The following GAPVD1 variants were observed in gnomAD, a reference collection of about 807,000 sequenced individuals.
The protein encoded by GAPVD1 is GTPase activating protein and VPS9 domains 1.
In GAPVD1, 35 loss-of-function variants were observed where a neutral mutation model predicts 155.5. That is an observed-to-expected ratio of 0.23 (90% confidence interval 0.17 to 0.30). The LOEUF is 0.30. Ranked by LOEUF, GAPVD1 falls within the 10% of genes least tolerant of loss-of-function variation. GAPVD1 has a pLI of 1.00. For synonymous variants in GAPVD1, 636 were observed against 619.7 expected, an observed-to-expected ratio of 1.03 and a Z score of -0.39; for missense variants, 1,429 against 1,775.7, an observed-to-expected ratio of 0.80 and a Z score of 3.51.
Position 125,360,660 on chromosome 9 carries a change from G to A in GAPVD1, c.4177G>A (p.Ala1393Thr). The A allele has an allele frequency of 6.2e-7, 1 of 1,614,088 alleles. No homozygotes were observed. Among genetic ancestry groups the A allele is most frequent in the Non-Finnish European group, 8.5e-7 (1 of 1,179,982 alleles). ...CSTIMNLLSL[A>T]NEDSVPGADD... The stretch of plus-strand genomic sequence containing the variant: ...TACGATTATGAACCTCCTGAGCCTG[G>A]CCAATGAGGACTCTGTCCCTGGAGC... The change falls in exon 27 of 28, where the codon GCC becomes ACC. Residue 1393 changes from alanine to threonine, a missense_variant. By Grantham distance (58) the Ala-to-Thr change is moderately conservative. Around this residue, in one of 4 missense-constraint regions of GAPVD1, gnomAD observed 102 missense variants for 196.5 expected, o/e 0.52. Transcript: ENST00000297933.
intron 18 of GAPVD1, 41 bp from the exon 19 acceptor site, chr9:125,342,178 G>A (rs1847922926): frequency 2.1e-6 from 2 of 969,786 alleles, no homozygotes. Context: ...GAGTAGTGCA[G>A]TATGTTATAT....
intron 12 of GAPVD1, among the ~76,000 whole-genome samples, chr9:125,326,895 G>GCATAGTA (rs1160804894): frequency 6.6e-6 from 1 of 151,772 alleles, no homozygotes; most frequent in Non-Finnish European, 1.5e-5. Flanking sequence ...TGTTTGCAGG[G>GCATAGTA]CATAGTATAA....
Position 125,365,805 on chromosome 9 carries a change from A to T in GAPVD1, c.*3059A>T, listed in dbSNP as rs2132826935. 1 of 152,142 alleles carries T rather than the reference A, an allele frequency of 6.6e-6. No homozygotes were observed. Among genetic ancestry groups the T allele is most frequent in the East Asian group, 1.9e-4 (1 of 5,168 alleles). 9.4% of individuals were successfully genotyped at this position (152,142 alleles called of 1,614,324 possible). A position where few individuals can be genotyped will look rare whatever the true frequency, so the allele number is the denominator to read the frequency against. On this transcript the variant is annotated 3_prime_UTR_variant, in exon 28 of 28. Transcript: ENST00000297933. ...AAGTGTATGCCACCACACCCAGCTA[A>T]TTTTTGTATTTTTTGTAGAGACAGG...
chr9:125,273,793 C>T (rs144339810), intron 2 of GAPVD1, among the ~76,000 whole-genome samples: 187 of 152,186 alleles, frequency 1.2e-3, no homozygotes, highest in African/African-American at 4.1e-3. Context: ...GTGGCCTCCA[C>T]GGTGCAACAA....
At chr9:125,346,592 G>C (rs1848549272) in intron 19 of GAPVD1, 2 of 567,866 alleles carry the variant, frequency 3.5e-6, no homozygotes, top group African/African-American at 3.7e-5. Context: ...TTCTGGTGAT[G>C]ATGAGAAGGT....
At chr9:125,320,548 A>G (rs1173199780) in intron 9 of GAPVD1, among the ~76,000 whole-genome samples, 1 of 152,162 alleles carries the variant, frequency 6.6e-6, no homozygotes, top group Admixed American at 6.6e-5. Context: ...TTCTAGTTGA[A>G]TTTATTTACT....
intron 9 of GAPVD1, among the ~76,000 whole-genome samples, chr9:125,313,533 G>C (rs1842961392): frequency 6.6e-6 from 1 of 151,960 alleles, no homozygotes; most frequent in Non-Finnish European, 1.5e-5. Context: ...TCGATCTCCT[G>C]ACCTCGTGAT....
At position 125,321,445 on chromosome 9, in the gene GAPVD1, C is replaced by T; in HGVS notation, c.1615C>T (p.Gln539Ter). The change falls in exon 10 of 28, where the codon CAG becomes TAG. Residue 539 changes from glutamine to a stop codon, truncating the protein, a stop_gained. Transcript: ENST00000297933. LOFTEE classifies it high-confidence loss of function. ...MMSENEVLNM[Q>*]LSDGGQGDVP... ...TTTTATTTTTTAGGTCCTAAACATG[C>T]AGCTTTCGGATGGAGGACAAGGAGA... The T allele has an allele frequency of 6.2e-7, 1 of 1,611,656 alleles. No individual in the cohort carries two copies. The highest frequency in any genetic ancestry group is 2.2e-5 in the East Asian group (1 of 44,830).
intron 2 of GAPVD1, among the ~76,000 whole-genome samples, chr9:125,273,459 G>A (rs1835226273): frequency 6.6e-6 from 1 of 151,260 alleles, no homozygotes; most frequent in Non-Finnish European, 1.5e-5. Context: ...CTTCAGCAGG[G>A]AAGAGCTTGG....
At chr9:125,284,470 G>A (rs1481484974) in intron 2 of GAPVD1, among the ~76,000 whole-genome samples, 4 of 151,280 alleles carry the variant, frequency 2.6e-5, no homozygotes, top group Admixed American at 2.0e-4. Context: ...GAGCCACCGC[G>A]CCTGGCAACT....
chr9:125,340,303 G>A (rs1476398669), intron 17 of GAPVD1, among the ~76,000 whole-genome samples: 4 of 152,222 alleles, frequency 2.6e-5, no homozygotes, highest in Non-Finnish European at 5.9e-5. Flanking sequence ...TTACAGGCGT[G>A]AGCCACTGCA....
chr9:125,337,202 T>C lies in GAPVD1; in HGVS notation c.2507-19T>C, dbSNP rs746220698. ...ATATGTTGTGTCTCAGTTACAAAAC[T>C]TTTTTTCCTGTGTTGCAGGGGCTTC... On this transcript the variant is annotated intron_variant, in intron 16 of 27. Coordinates refer to ENST00000297933, the MANE Select transcript of GAPVD1 (RefSeq NM_001282680.3). 1.4e-5 allele frequency: 23 copies of C among 1,611,460 alleles called. No individual in the cohort carries two copies. The highest frequency in any genetic ancestry group is 2.0e-5 in the Non-Finnish European group (23 of 1,178,226).
intron 1 of GAPVD1, among the ~76,000 whole-genome samples, chr9:125,265,007 C>A (rs1171799919): frequency 6.6e-6 from 1 of 152,190 alleles, no homozygotes; most frequent in Admixed American, 6.5e-5. Context: ...GCGTGAGCCA[C>A]CGCGCCTGGC....
chr9:125,321,660 C>G (rs899651234), intron 10 of GAPVD1, 98 bp downstream of exon 10: 2 of 1,094,006 alleles, frequency 1.8e-6, no homozygotes, highest in African/African-American at 3.1e-5. Context: ...ACCATCTGTG[C>G]TTCTCACTGA....
Position 125,362,876 on chromosome 9 carries a change from A to G in GAPVD1, c.*130A>G, listed in dbSNP as rs1851135501. ...TGCACAGCATCAGGCATTTTAAAGC[A>G]GATCTTTACTAAACAGGTTAATGAG... is the stretch of plus-strand genomic sequence containing the variant. On this transcript the variant is annotated 3_prime_UTR_variant, in exon 28 of 28. Transcript: ENST00000297933. 6 of 702,228 alleles carry G rather than the reference A, an allele frequency of 8.5e-6. No homozygotes were observed. The highest frequency in any genetic ancestry group is 2.6e-5 in the South Asian group (1 of 38,532). The allele number at this position is 702,228 out of a possible 1,614,324, so 43.5% of individuals were successfully genotyped here.
rs764442144 is a variant in GAPVD1, at chr9:125,326,553, C to T, written c.1996C>T (p.Pro666Ser). The T allele has an allele frequency of 6.2e-7, 1 of 1,612,600 alleles. No homozygotes were observed. The highest frequency in any genetic ancestry group is 1.1e-5 in the South Asian group (1 of 91,000). The change falls in exon 12 of 28, where the codon CCT (proline) becomes TCT (serine). Residue 666 changes from proline to serine, a missense_variant. Coordinates refer to ENST00000297933, the MANE Select transcript of GAPVD1 (RefSeq NM_001282680.3). ...AGACGTCTTGGGAAGTGACTTTGACCCTAATATTGATGAAGATCGCTTGCA... is the reference window on the plus strand; with the variant it reads ...AGACGTCTTGGGAAGTGACTTTGACTCTAATATTGATGAAGATCGCTTGCA... ...STDVLGSDFDPNIDEDRLQEI... is the reference protein window; with the variant it reads ...STDVLGSDFDSNIDEDRLQEI...
chr9:125,342,409 G>A, intron 19 of GAPVD1, 110 bp downstream of exon 19: 1 of 701,642 alleles, frequency 1.4e-6, no homozygotes, highest in Admixed American at 2.2e-5. Flanking sequence ...GTGTCTGTGT[G>A]TACAGTGGGG....
chr9:125,324,510 AC>A (rs1366914914), intron 11 of GAPVD1, among the ~76,000 whole-genome samples: 2 of 151,966 alleles, frequency 1.3e-5, no homozygotes, highest in East Asian at 3.9e-4. Context: ...AATCGCTTGA[AC>A]CCAGGAGGCG....
intron 2 of GAPVD1, among the ~76,000 whole-genome samples, chr9:125,294,487 C>CA (rs1456773448): frequency 6.6e-6 from 1 of 151,208 alleles, no homozygotes; most frequent in Admixed American, 6.6e-5. Flanking sequence ...GCTGGGACTA[C>CA]AGGCGCGTGT....
Sources: allele counts gnomAD v4.1 joint callset (sites outside exome capture counted in the v4.1 genomes callset), GRCh38; gene constraint gnomAD v4.1.1; regional missense constraint gnomAD v4.1.1; transcripts MANE v1.5; gene names NCBI Gene and HGNC (gene_info 2026-07-23, HGNC 2026-07-21).